KLHL14: variants seen among roughly 807,000 people sequenced by gnomAD.
KLHL14 encodes kelch-like protein 14.
In KLHL14, 22 loss-of-function variants were observed where a neutral mutation model predicts 64.3. That is an observed-to-expected ratio of 0.34 (90% CI 0.24 to 0.49). KLHL14 has a LOEUF of 0.49. Among genes scored for constraint, KLHL14 ranks in the 20% least tolerant of loss-of-function variants. KLHL14 has a pLI of 0.99. For synonymous variants in KLHL14, 322 were observed against 333.4 expected (o/e 0.97, Z 0.37); for missense variants, 661 against 789.0 (o/e 0.84, Z 1.94).
chr18:32,708,655 C>T (rs1043532356), intron 3 of KLHL14, among the ~76,000 whole-genome samples: 1 of 152,170 alleles, frequency 6.6e-6, no homozygotes, highest in East Asian at 1.9e-4. Flanking sequence ...GTACACACAG[C>T]AGTAGAATGT....
At chr18:32,735,870 G>A (rs1303800983) in intron 3 of KLHL14, among the ~76,000 whole-genome samples, 1 of 152,148 alleles carries the variant, frequency 6.6e-6, no homozygotes, top group East Asian at 1.9e-4. Flanking sequence ...TTTGTTAAAT[G>A]AATGAAATGA....
chr18:32,769,590 C>CCCCCCCACAGG, intron 2 of KLHL14, 55 bp downstream of exon 2: 1 of 843,112 alleles, frequency 1.2e-6, no homozygotes. Context: ...CCCCTCCCTC[C>CCCCCCCACAGG]GGCCTCTCTG....
chr18:32,766,701 C>CTT (rs1598582072), intron 2 of KLHL14, among the ~76,000 whole-genome samples: 1 of 151,834 alleles, frequency 6.6e-6, no homozygotes, highest in East Asian at 1.9e-4. Flanking sequence ...ACTTATTGTC[C>CTT]TTATGTTAAG....
At chr18:32,730,595 A>T (rs2050132457) in intron 3 of KLHL14, among the ~76,000 whole-genome samples, 1 of 152,238 alleles carries the variant, frequency 6.6e-6, no homozygotes, top group Admixed American at 6.5e-5. Flanking sequence ...AGTAAAATTA[A>T]TCATGTCAAA....
chr18:32,684,252 G>C (rs997080120), intron 5 of KLHL14, among the ~76,000 whole-genome samples: 1 of 152,162 alleles, frequency 6.6e-6, no homozygotes, highest in African/African-American at 2.4e-5. Flanking sequence ...ATTTCTGTCA[G>C]TAAATTCATA....
At chr18:32,687,874 G>A (rs772897262) in intron 4 of KLHL14, among the ~76,000 whole-genome samples, 13 of 152,096 alleles carry the variant, frequency 8.5e-5, no homozygotes, top group South Asian at 4.1e-4. Context: ...TACAAAAAGA[G>A]CCTGACTGGG....
intron 2 of KLHL14, among the ~76,000 whole-genome samples, chr18:32,766,640 T>TTAAATTACACA (rs1220093656): frequency 6.6e-6 from 1 of 152,186 alleles, no homozygotes; most frequent in Non-Finnish European, 1.5e-5. Context: ...TCCTGTCATC[T>TTAAATTACACA]TAAATTACTT....
At chr18:32,707,874 C>A (rs556434628) in intron 3 of KLHL14, among the ~76,000 whole-genome samples, 1 of 152,238 alleles carries the variant, frequency 6.6e-6, no homozygotes. Context: ...ATTCTATAAT[C>A]CTGTTAGTTC....
intron 3 of KLHL14, among the ~76,000 whole-genome samples, chr18:32,698,248 G>A (rs780310307): frequency 2.0e-5 from 3 of 152,126 alleles, no homozygotes; most frequent in Non-Finnish European, 4.4e-5. Flanking sequence ...CTCCTTTCCA[G>A]ATTTCTCCAG....
In KLHL14 at chr18:32,768,524, A is replaced by G. The variant is rs565669726; in HGVS notation, c.947+1121T>C. 2.0e-5 allele frequency among the ~76,000 whole-genome samples: 3 copies of G among 152,206 alleles called. No individual in the cohort carries two copies. In the East Asian group the frequency reaches 5.8e-4, roughly 29 times the overall value. On this transcript the variant is annotated intron_variant, in intron 2 of 8. Coordinates refer to ENST00000359358, the MANE Select transcript of KLHL14 (RefSeq NM_020805.3). ...GCCCTGCTAGATTTTCAAACCATGT[A>G]CTTTGCTACACTTTGTAACACTTTG...
At chr18:32,697,328 C>G (rs1347256485) in intron 3 of KLHL14, among the ~76,000 whole-genome samples, 1 of 152,160 alleles carries the variant, frequency 6.6e-6, no homozygotes, top group Non-Finnish European at 1.5e-5. Context: ...CAAAACGAAG[C>G]TTCCCTTGTC....
At chr18:32,718,222 T>C (rs1441000311) in intron 3 of KLHL14, among the ~76,000 whole-genome samples, 1 of 152,206 alleles carries the variant, frequency 6.6e-6, no homozygotes, top group African/African-American at 2.4e-5. Flanking sequence ...CCACTGACTA[T>C]AGAATAGTAT....
chr18:32,733,918 G>T, intron 3 of KLHL14: 1 of 497,936 alleles, frequency 2.0e-6, no homozygotes, highest in Admixed American at 3.2e-5. Flanking sequence ...ATTCCATCAC[G>T]GTGCATTATG....
At chr18:32,761,106 T>C (rs987800403) in intron 2 of KLHL14, among the ~76,000 whole-genome samples, 1 of 152,212 alleles carries the variant, frequency 6.6e-6, no homozygotes, top group Non-Finnish European at 1.5e-5. Context: ...TTCTACAATC[T>C]CAGCTGATCT....
At chr18:32,742,822 C>T (rs1174514582) in intron 2 of KLHL14, 2 of 152,328 alleles carry the variant, frequency 1.3e-5, no homozygotes, top group African/African-American at 2.4e-5. Context: ...CTCTAATTCC[C>T]TCCCTCTGTT....
chr18:32,739,813 G>A (rs934236056), intron 3 of KLHL14, among the ~76,000 whole-genome samples: 2 of 152,100 alleles, frequency 1.3e-5, no homozygotes, highest in Non-Finnish European at 2.9e-5. Flanking sequence ...GCAGTGGATT[G>A]AAGTGGTATG....
At chr18:32,723,114 G>A (rs1403762) in intron 3 of KLHL14, among the ~76,000 whole-genome samples, 44,760 of 151,896 alleles carry the variant, frequency 0.29, 6,854 homozygotes, top group African/African-American at 0.37. Flanking sequence ...CAATTTGTTT[G>A]TTTGCTATTG....
intron 3 of KLHL14, among the ~76,000 whole-genome samples, chr18:32,700,404 A>G (rs113871030): frequency 3.9e-5 from 6 of 152,172 alleles, no homozygotes; most frequent in African/African-American, 1.4e-4. Context: ...TACAGAACAA[A>G]TAAGTCTTCC....
intron 2 of KLHL14, chr18:32,743,082 G>T (rs1286928526): frequency 6.6e-6 from 1 of 152,276 alleles, no homozygotes; most frequent in Non-Finnish European, 1.5e-5. Context: ...AGCAGGGAGA[G>T]GAGGCCCAGA....
Sources: gnomAD v4.1 joint callset for allele counts (sites outside exome capture counted in the v4.1 genomes callset) on GRCh38, gnomAD v4.1.1 for gene constraint, MANE v1.5 for transcripts, NCBI Gene and HGNC (gene_info 2026-07-23, HGNC 2026-07-21) for gene names.